Variants in TCN2 observed in about 807,000 individuals in gnomAD.
TCN2 encodes transcobalamin-2.
A neutral mutation model predicts 48.6 loss-of-function variants in TCN2; 34 were observed. The ratio of observed to expected loss-of-function variants is 0.70; its 90% CI spans 0.53 to 0.93. TCN2 has a LOEUF of 0.93. TCN2 is among the 40% of genes least tolerant of loss of function. The pLI is 0.00. For synonymous variants in TCN2, 283 were observed against 212.5 expected, an observed-to-expected ratio of 1.33 and a Z score of -2.89; for missense variants, 652 against 526.1, an observed-to-expected ratio of 1.24 and a Z score of -2.34.
rs1377802242 is a variant in TCN2 at position 30,626,848 on chromosome 22, CCGCAGGT to C, written c.*328_*334del. 5 of 452,096 alleles carry C rather than the reference CCGCAGGT, an allele frequency of 1.1e-5. No homozygotes were observed. The highest frequency in any genetic ancestry group is 4.3e-5 in the East Asian group (1 of 23,272). 28.0% of individuals were successfully genotyped at this position (452,096 alleles called of 1,614,324 possible). ...CTTGGCAAAAAACGGAGTCCGCAGG[CCGCAGGT>C]GTTGTGAAGACCACTCGTTCTGTGG... is the stretch of plus-strand genomic sequence containing the variant. On this transcript the variant is annotated 3_prime_UTR_variant, in exon 9 of 9. Transcript: ENST00000215838.
intron 7 of TCN2, among the ~76,000 whole-genome samples, chr22:30,619,081 C>T (rs1483416475): frequency 6.6e-6 from 1 of 151,860 alleles, no homozygotes; most frequent in Non-Finnish European, 1.5e-5. Context: ...AGAATAAGAA[C>T]TTTTATTTTA....
Position 30,617,583 on chromosome 22 carries a change from G to A in TCN2, c.1106+88G>A. 3.9e-6 allele frequency: 6 copies of A among 1,556,126 alleles called. No homozygotes were observed. In the South Asian group the frequency reaches 5.6e-5, roughly 15 times the overall value. Reference sequence around the variant, plus strand: ...AGAAGAGACGGGGAACAGAGGAGAGGGTTCCCTCGGGAGAGACACTGGCCC... The same window carrying A: ...AGAAGAGACGGGGAACAGAGGAGAGAGTTCCCTCGGGAGAGACACTGGCCC... On this transcript the variant is annotated intron_variant, in intron 7 of 8. Coordinates refer to ENST00000215838, the MANE Select transcript of TCN2 (RefSeq NM_000355.4).
intron 8 of TCN2, 78 bp from the exon 9 acceptor site, chr22:30,626,382 T>TGGG: frequency 6.8e-7 from 1 of 1,466,780 alleles, no homozygotes; most frequent in Non-Finnish European, 9.5e-7. Context: ...AGCCTCAGGG[T>TGGG]GGGGGGTCTG....
At chr22:30,619,894 C>CT (rs1372515820) in intron 7 of TCN2, among the ~76,000 whole-genome samples, 2 of 152,188 alleles carry the variant, frequency 1.3e-5, no homozygotes, top group African/African-American at 4.8e-5. Flanking sequence ...TGGCTCACTC[C>CT]TGTAATTCCA....
chr22:30,623,253 T>G, intron 8 of TCN2, 170 bp downstream of exon 8: 1 of 584,228 alleles, frequency 1.7e-6, no homozygotes, highest in South Asian at 2.4e-5. Context: ...CTTAGAATTT[T>G]TATGCAAGTT....
chr22:30,623,797 CACACAT>C (rs753599549), intron 8 of TCN2, among the ~76,000 whole-genome samples: 191 of 3,530 alleles, frequency 0.054, 60 homozygotes, highest in South Asian at 0.29. Context: ...TACATATATA[CACACAT>C]ACACATATAT....
chr22:30,611,669 A>G (rs938980705), intron 2 of TCN2, among the ~76,000 whole-genome samples: 1 of 152,172 alleles, frequency 6.6e-6, no homozygotes, highest in African/African-American at 2.4e-5. Flanking sequence ...CACCATGCCC[A>G]GCTGATTTTT....
rs111569786 is a variant in TCN2, at chr22:30,610,769, G to A, written c.65-102G>A. On this transcript the variant is annotated intron_variant, in intron 1 of 8. Transcript: ENST00000215838. ...TGGTGTGTGCTGGGTGGAGGTGGGGGTGAGGACATGTATTCTCTGGAGAAG... is the reference window on the plus strand; with the variant it reads ...TGGTGTGTGCTGGGTGGAGGTGGGGATGAGGACATGTATTCTCTGGAGAAG... 1.0e-5 allele frequency: 13 copies of A among 1,243,960 alleles called. 1 individual carries two copies. The highest frequency in any genetic ancestry group is 3.7e-5 in the Admixed American group (2 of 54,702). 77.1% of individuals were successfully genotyped at this position (1,243,960 alleles called of 1,614,324 possible).
chr22:30,611,097 C>G (rs770458797), intron 2 of TCN2, 34 bp downstream of exon 2: 4 of 1,613,322 alleles, frequency 2.5e-6, no homozygotes, highest in Non-Finnish European at 3.4e-6. Context: ...ATGTCTTGCT[C>G]CACATACTAA....
rs72550762 is a variant in TCN2, at chr22:30,621,332, A to C, written c.1107-1636A>C. 7.2e-3 allele frequency among the ~76,000 whole-genome samples: 1,090 copies of C among 152,200 alleles called. 12 individuals carry two copies. The highest frequency in any genetic ancestry group is 0.026 in the South Asian group (123 of 4,812). ...CCAAAAAAATCCCTCTAAGACTGCAACCATCGATAACTTAGGGCTGTATTA... is the reference window on the plus strand; with the variant it reads ...CCAAAAAAATCCCTCTAAGACTGCACCCATCGATAACTTAGGGCTGTATTA... On this transcript the variant is annotated intron_variant, in intron 7 of 8. Transcript: ENST00000215838.
intron 7 of TCN2, among the ~76,000 whole-genome samples, chr22:30,621,684 A>G (rs1399762935): frequency 6.6e-6 from 1 of 152,170 alleles, no homozygotes; most frequent in Non-Finnish European, 1.5e-5. Flanking sequence ...GGGTTTCACC[A>G]TGTTGTCCAG....
intron 2 of TCN2, among the ~76,000 whole-genome samples, chr22:30,611,949 A>G (rs541425630): frequency 2.0e-5 from 3 of 152,178 alleles, no homozygotes; most frequent in South Asian, 2.1e-4. Context: ...GGTGGAGAGA[A>G]AAGAAGACTA....
At chr22:30,612,685 C>T (rs1180157439) in intron 2 of TCN2, among the ~76,000 whole-genome samples, 188 bp from the exon 3 acceptor site, 1 of 152,184 alleles carries the variant, frequency 6.6e-6, no homozygotes, top group Non-Finnish European at 1.5e-5. Flanking sequence ...TCTAACTGTT[C>T]ATCTTTATTA....
chr22:30,619,102 G>T (rs2087659181), intron 7 of TCN2, among the ~76,000 whole-genome samples: 1 of 151,716 alleles, frequency 6.6e-6, no homozygotes, highest in Non-Finnish European at 1.5e-5. Context: ...TTTGAGACAG[G>T]GTCTTACTCT....
intron 1 of TCN2, 107 bp from the exon 2 acceptor site, chr22:30,610,763 GT>G: frequency 8.6e-7 from 1 of 1,162,178 alleles, no homozygotes; most frequent in South Asian, 1.3e-5. Context: ...CTGGGTGGAG[GT>G]GGGGGTGAGG....
Position 30,622,979 on chromosome 22 carries a change from A to T in TCN2, c.1118A>T (p.Gln373Leu). Residue 373 changes from glutamine (Q) to leucine (L), a missense_variant, in exon 8 of 9, where the codon CAG (glutamine) becomes CTG (leucine). By Grantham distance (113) the Gln-to-Leu change is moderately radical (BLOSUM62 -2). Coordinates refer to ENST00000215838, the MANE Select transcript of TCN2 (RefSeq NM_000355.4). ...TTTCCCTTCTGTAGATATGAAACAC[A>T]GGCCTCCTTGTCAGGCCCCTACTTA... ...HELGGFTYET[Q>L]ASLSGPYLTS... The T allele has an allele frequency of 6.2e-7, 1 of 1,614,038 alleles. No homozygotes were observed. The highest frequency in any genetic ancestry group is 8.5e-7 in the Non-Finnish European group (1 of 1,179,970).
chr22:30,624,022 A>G (rs1447316513), intron 8 of TCN2, among the ~76,000 whole-genome samples: 1 of 105,528 alleles, frequency 9.5e-6, no homozygotes, highest in East Asian at 2.3e-4. Flanking sequence ...ATATATACAC[A>G]CATATATATG....
At position 30,623,102 on chromosome 22, in the gene TCN2, C is replaced by A; in HGVS notation, c.1222+19C>A. ...TTGCAAGGTGAGTCATGGCCTGACACTCTGGATGTGTCCCCTACCCCAAGC... is the reference window on the plus strand; with the variant it reads ...TTGCAAGGTGAGTCATGGCCTGACAATCTGGATGTGTCCCCTACCCCAAGC... On this transcript the variant is annotated intron_variant, in intron 8 of 8. Coordinates refer to ENST00000215838, the MANE Select transcript of TCN2 (RefSeq NM_000355.4). 6.2e-7 allele frequency: 1 copy of A among 1,612,598 alleles called. No homozygotes were observed. The highest frequency in any genetic ancestry group is 8.5e-7 in the Non-Finnish European group (1 of 1,178,760).
Position 30,615,334 on chromosome 22 carries a change from G to A in TCN2, c.614G>A (p.Cys205Tyr). ...GCCATGGCAGGCTTGGCATTCACCT[G>A]TCTGAAGCGCTCAAACTTCAACCCT... The part of the protein sequence containing the change: ...TAAMAGLAFT[C>Y]LKRSNFNPGR... The change falls in exon 5 of 9, where the codon TGT becomes TAT. Residue 205 changes from cysteine to tyrosine, a missense_variant. Physicochemically the swap from Cys to Tyr is radical, Grantham distance 194. Coordinates refer to ENST00000215838, the MANE Select transcript of TCN2 (RefSeq NM_000355.4). 1 of 1,614,192 alleles carries A rather than the reference G, an allele frequency of 6.2e-7. No homozygotes were observed. The highest frequency in any genetic ancestry group is 8.5e-7 in the Non-Finnish European group (1 of 1,180,030).
Sources: gnomAD v4.1 joint callset for allele counts (sites outside exome capture counted in the v4.1 genomes callset) on GRCh38, gnomAD v4.1.1 for gene constraint, MANE v1.5 for transcripts, NCBI Gene and HGNC (gene_info 2026-07-23, HGNC 2026-07-21) for gene names.